The following PKHD1 variants were observed in gnomAD, a reference collection of about 807,000 sequenced individuals.
PKHD1 encodes the protein PKHD1 ciliary IPT domain containing fibrocystin/polyductin.
PKHD1 carries 291 observed loss-of-function variants against 412.0 expected under a neutral mutation model. The observed-to-expected ratio is 0.71, with a 90% confidence interval of 0.64 to 0.78. The LOEUF (loss-of-function observed/expected upper bound fraction) is 0.78. Among genes scored for constraint, PKHD1 ranks in the 30% least tolerant of loss-of-function variants. The probability of loss-of-function intolerance (pLI) is 0.00; values close to 1 mark genes in which losing one functional copy is unlikely to be tolerated. For missense variants in PKHD1, 4,825 were observed against 4,950.7 expected (o/e 0.97, Z 0.76); for synonymous variants, 1,777 against 1,821.5 (o/e 0.98, Z 0.62).
intron 63 of PKHD1, among the ~76,000 whole-genome samples, chr6:51,639,366 T>C (rs1383491818): frequency 6.6e-6 from 1 of 152,070 alleles, no homozygotes; most frequent in East Asian, 1.9e-4. Flanking sequence ...ATATTATTAT[T>C]AAATGTATAA....
chr6:51,964,897 G>A (rs1263632905), intron 35 of PKHD1, among the ~76,000 whole-genome samples: 1 of 151,958 alleles, frequency 6.6e-6, no homozygotes, highest in African/African-American at 2.4e-5. Flanking sequence ...ATATCTGCAT[G>A]TTACTCCTCA....
At position 52,083,243 on chromosome 6, in the gene PKHD1, C is replaced by T; in HGVS notation, c.65G>A (p.Ser22Asn). The change falls in exon 3 of 67, where the codon AGT (serine) becomes AAT (asparagine). Residue 22 changes from serine to asparagine, a missense_variant. Coordinates refer to ENST00000371117, the MANE Select transcript of PKHD1 (RefSeq NM_138694.4). ...EVLLLAVRHL[S>N]LHIEPEEGSL... ...ACCTTCTTCAGGTTCAATATGTAAA[C>T]TCAGGTGACGTACTGTAAGTAAGTG... 3 of 1,607,866 alleles carry T rather than the reference C, an allele frequency of 1.9e-6. No homozygotes were observed. The highest frequency in any genetic ancestry group is 1.7e-6 in the Non-Finnish European group (2 of 1,174,306).
chr6:51,750,685 G>A (rs1044197026), intron 57 of PKHD1, among the ~76,000 whole-genome samples: 2 of 152,100 alleles, frequency 1.3e-5, no homozygotes, highest in Non-Finnish European at 2.9e-5. Flanking sequence ...GTTTTAAACT[G>A]TACAAGGTCT....
At position 51,911,946 on chromosome 6, in the gene PKHD1, T is replaced by A. The variant is rs751895068; in HGVS notation, c.6343A>T (p.Asn2115Tyr). 2 of 1,610,418 alleles carry A rather than the reference T, an allele frequency of 1.2e-6. No homozygotes were observed. The highest frequency in any genetic ancestry group is 1.7e-6 in the Non-Finnish European group (2 of 1,178,170). ...CCAGCCACCCAATTCTCTGTAAAGTTGTGAGAATATCTGGAGAAAAAAAGA... is the reference window on the plus strand; with the variant it reads ...CCAGCCACCCAATTCTCTGTAAAGTAGTGAGAATATCTGGAGAAAAAAAGA... ...YLKSPLRYSH[N>Y]FTENWVAGEH... Residue 2115 changes from asparagine (N) to tyrosine (Y), a missense_variant, in exon 39 of 67, where the codon AAC becomes TAC. Physicochemically the swap from Asn to Tyr is moderately radical, Grantham distance 143. Transcript: ENST00000371117.
At chr6:52,032,019 G>A (rs1212383701) in intron 29 of PKHD1, among the ~76,000 whole-genome samples, 1 of 152,070 alleles carries the variant, frequency 6.6e-6, no homozygotes, top group Non-Finnish European at 1.5e-5. Context: ...ATAACATGGA[G>A]CTCCCCCTCC....
Position 52,072,139 on chromosome 6 carries a change from A to C in PKHD1, c.578T>G (p.Leu193Arg). ...CCAGCTTCCCATCTGCCTATTTATA[A>C]GAGAGCAAGGAGTAACCCATTTGTC... is the stretch of plus-strand genomic sequence containing the variant. ...QGDKWVTPCSLINRQMGSCYP... is the reference protein window; with the variant it reads ...QGDKWVTPCSRINRQMGSCYP... Residue 193 changes from leucine to arginine, a missense_variant, in exon 8 of 67, where the codon CTT becomes CGT. By Grantham distance (102) the Leu-to-Arg change is moderately radical. Transcript: ENST00000371117. 1 of 1,609,272 alleles carries C rather than the reference A, an allele frequency of 6.2e-7. No homozygotes were observed. Among genetic ancestry groups the C allele is most frequent in the Non-Finnish European group, 8.5e-7 (1 of 1,175,600 alleles).
intron 13 of PKHD1, among the ~76,000 whole-genome samples, chr6:52,064,063 G>C (rs1187114400): frequency 6.6e-6 from 1 of 152,194 alleles, no homozygotes; most frequent in Admixed American, 6.5e-5. Flanking sequence ...GCAGATCTGG[G>C]AGCTGGAGAA....
At chr6:51,708,405 A>C (rs764938617) in intron 60 of PKHD1, among the ~76,000 whole-genome samples, 23 of 152,204 alleles carry the variant, frequency 1.5e-4, no homozygotes, top group Non-Finnish European at 2.5e-4. Context: ...GTCCCTATCC[A>C]ATCTATTCTC....
At chr6:51,687,599 T>G (rs1281482821) in intron 60 of PKHD1, among the ~76,000 whole-genome samples, 1 of 152,126 alleles carries the variant, frequency 6.6e-6, no homozygotes, top group Non-Finnish European at 1.5e-5. Flanking sequence ...CACAACAACT[T>G]TAAAAGGCAG....
chr6:51,711,630 G>T (rs1780671173), intron 60 of PKHD1, among the ~76,000 whole-genome samples: 1 of 152,114 alleles, frequency 6.6e-6, no homozygotes, highest in African/African-American at 2.4e-5. Context: ...GGCTCCTTGA[G>T]TTGGAAACAT....
chr6:51,767,344 A>G (rs1173015518), intron 55 of PKHD1, among the ~76,000 whole-genome samples: 1 of 150,504 alleles, frequency 6.6e-6, no homozygotes, highest in Non-Finnish European at 1.5e-5. Flanking sequence ...CTTTTATTTT[A>G]TTATTATTAT....
chr6:51,751,399 A>T (rs1405295365), intron 57 of PKHD1, among the ~76,000 whole-genome samples: 1 of 152,198 alleles, frequency 6.6e-6, no homozygotes, highest in East Asian at 1.9e-4. Context: ...ACAGAAAAAA[A>T]CTGATAAAAT....
In PKHD1 at chr6:51,659,728, C is replaced by T. The variant is rs1581894841; in HGVS notation, c.10398G>A (p.Arg3466=). The change falls in exon 61 of 67, where the codon AGG becomes AGA. Residue 3466 remains arginine, a synonymous_variant. Transcript: ENST00000371117. ...CCATGAAGCAGACTTTGGTGATTTG[C>T]CTGATGGGTAAGATAGAATAGAAAG... ...VSTFYSILPI[R]QITKVCFMDQ... The T allele has an allele frequency of 1.2e-6, 2 of 1,613,690 alleles. No individual in the cohort carries two copies. Among genetic ancestry groups the T allele is most frequent in the East Asian group, 2.2e-5 (1 of 44,848 alleles).
chr6:51,905,910 T>C (rs987405476), intron 41 of PKHD1, among the ~76,000 whole-genome samples: 2 of 152,188 alleles, frequency 1.3e-5, no homozygotes, highest in Non-Finnish European at 2.9e-5. Context: ...TGTAAGACTA[T>C]ACAAAGACAT....
At chr6:51,994,139 T>C (rs1797407949) in intron 35 of PKHD1, among the ~76,000 whole-genome samples, 1 of 45,168 alleles carries the variant, frequency 2.2e-5, no homozygotes, top group African/African-American at 4.4e-5. Context: ...TTTTTCTTTC[T>C]TTTTTTTTTT....
intron 43 of PKHD1, among the ~76,000 whole-genome samples, chr6:51,897,267 G>A (rs1167859923): frequency 1.3e-5 from 2 of 151,684 alleles, no homozygotes; most frequent in African/African-American, 4.8e-5. Flanking sequence ...CAGAGAGAAA[G>A]GTCGGGTTAC....
In PKHD1 at chr6:51,623,305, T is replaced by C. The variant is rs1481404675; in HGVS notation, c.11785+3692A>G. Among the ~76,000 whole-genome samples, 3 of 152,262 alleles carry C rather than the reference T, an allele frequency of 2.0e-5. No individual in the cohort carries two copies. In the East Asian group the frequency reaches 5.8e-4, roughly 29 times the overall value. ...TCTCTTTATACTATTTAATAAATTA[T>C]AGTTTATTTTTATATAGGTTCAACA... On this transcript the variant is annotated intron_variant, in intron 66 of 66. Transcript: ENST00000371117.
At position 51,900,113 on chromosome 6, in the gene PKHD1, G is replaced by A. The variant is rs1220492897; in HGVS notation, c.6996+3484C>T. Among the ~76,000 whole-genome samples the A allele has an allele frequency of 3.3e-5, 5 of 152,114 alleles. No individual in the cohort carries two copies. In the South Asian group the frequency reaches 8.3e-4, roughly 25 times the overall value. On this transcript the variant is annotated intron_variant, in intron 43 of 66. Coordinates refer to ENST00000371117, the MANE Select transcript of PKHD1 (RefSeq NM_138694.4). Reference sequence around the variant, plus strand: ...CTGCCCAAGGTAATTTACAGATTCAGTGCCATCCCCATCAAGCTACCAAGG... The same window carrying A: ...CTGCCCAAGGTAATTTACAGATTCAATGCCATCCCCATCAAGCTACCAAGG...
At chr6:51,791,968 C>T (rs1333937052) in intron 52 of PKHD1, among the ~76,000 whole-genome samples, 2 of 152,074 alleles carry the variant, frequency 1.3e-5, no homozygotes, top group African/African-American at 2.4e-5. Flanking sequence ...ATCTCTAATT[C>T]CCTAAGTCCC....
Sources: allele counts gnomAD v4.1 joint callset (sites outside exome capture counted in the v4.1 genomes callset), GRCh38; gene constraint gnomAD v4.1.1; transcripts MANE v1.5; gene names NCBI Gene and HGNC (gene_info 2026-07-23, HGNC 2026-07-21).